Variants in IQSEC1 observed in about 807,000 individuals in gnomAD.
The protein encoded by IQSEC1 is IQ motif and Sec7 domain ArfGEF 1.
In IQSEC1, 31 loss-of-function variants were observed where a neutral mutation model predicts 91.0. The observed-to-expected ratio is 0.34, with a 90% CI of 0.26 to 0.46. IQSEC1 has a LOEUF of 0.46. Among genes scored for constraint, IQSEC1 ranks in the 20% least tolerant of loss-of-function variants. The pLI, the probability that IQSEC1 is intolerant of heterozygous loss-of-function variation, is 1.00. For synonymous variants in IQSEC1, 699 were observed against 662.6 expected (o/e 1.05, Z -0.84); for missense variants, 1,388 against 1,575.6 (o/e 0.88, Z 2.02).
At chr3:12,993,282 G>A (rs1702072200) in intron 1 of IQSEC1, among the ~76,000 whole-genome samples, 1 of 152,196 alleles carries the variant, frequency 6.6e-6, no homozygotes, top group Non-Finnish European at 1.5e-5. Flanking sequence ...ACGGGGTTGG[G>A]AGGCAGGGAC....
rs1705500054 is a variant in IQSEC1 at position 13,073,385 on chromosome 3, G to T, written c.-371C>A. Among the ~76,000 whole-genome samples the T allele has an allele frequency of 6.6e-6, 1 of 152,080 alleles. No homozygotes were observed. Among genetic ancestry groups the T allele is most frequent in the Non-Finnish European group, 1.5e-5 (1 of 67,978 alleles). On this transcript the variant is annotated 5_prime_UTR_variant, in exon 1 of 14. Transcript: ENST00000613206. ...GGTGCGGGGCGCGGGGATGAGGAGGGGAGGGTCGAGAGAAGGCTGCCCCGG... is the reference window on the plus strand; with the variant it reads ...GGTGCGGGGCGCGGGGATGAGGAGGTGAGGGTCGAGAGAAGGCTGCCCCGG...
At chr3:12,984,476 C>G (rs932509961) in intron 1 of IQSEC1, among the ~76,000 whole-genome samples, 1 of 152,200 alleles carries the variant, frequency 6.6e-6, no homozygotes, top group Non-Finnish European at 1.5e-5. Flanking sequence ...ACCTGAGTAT[C>G]TGTACATTTG....
chr3:13,066,419 C>T (rs1488670083), intron 1 of IQSEC1, among the ~76,000 whole-genome samples: 1 of 152,250 alleles, frequency 6.6e-6, no homozygotes, highest in Non-Finnish European at 1.5e-5. Context: ...CGAGGACTCG[C>T]CACGCGCCAT....
chr3:12,955,478 C>G (rs921582977), intron 1 of IQSEC1, among the ~76,000 whole-genome samples: 1 of 152,228 alleles, frequency 6.6e-6, no homozygotes, highest in African/African-American at 2.4e-5. Flanking sequence ...GATGCCAACA[C>G]CCTGCAATCA....
intron 2 of IQSEC1, among the ~76,000 whole-genome samples, chr3:13,151,689 G>A (rs954145916): frequency 6.6e-6 from 1 of 152,214 alleles, no homozygotes; most frequent in Non-Finnish European, 1.5e-5. Flanking sequence ...TCTTCAGCCG[G>A]ACACAGTGGC....
chr3:12,995,756 G>A (rs1702202830), intron 1 of IQSEC1, among the ~76,000 whole-genome samples: 1 of 152,254 alleles, frequency 6.6e-6, no homozygotes, highest in African/African-American at 2.4e-5. Context: ...CAAGAGTTAA[G>A]CCCATGGCTT....
At chr3:13,261,497 T>A (rs926492450) in intron 1 of IQSEC1, among the ~76,000 whole-genome samples, 1 of 151,882 alleles carries the variant, frequency 6.6e-6, no homozygotes, top group Non-Finnish European at 1.5e-5. Flanking sequence ...ACAAATCCCA[T>A]CTTAGAGCCT....
intron 13 of IQSEC1, 42 bp downstream of exon 13, chr3:12,902,731 C>T (rs765037587): frequency 2.5e-5 from 31 of 1,261,742 alleles, no homozygotes; most frequent in South Asian, 1.5e-4. Flanking sequence ...CTGGGGAAGG[C>T]GACACAGGAC....
chr3:12,915,503 C>T (rs554120278), intron 7 of IQSEC1, 91 bp downstream of exon 7: 56 of 1,406,858 alleles, frequency 4.0e-5, no homozygotes, highest in South Asian at 2.5e-4. Context: ...AGAGACCACA[C>T]GGAGTGGGGT....
intron 1 of IQSEC1, among the ~76,000 whole-genome samples, chr3:13,241,615 C>T (rs542537789): frequency 1.4e-4 from 22 of 152,336 alleles, no homozygotes; most frequent in Non-Finnish European, 2.4e-4. Flanking sequence ...GGATGAGTCC[C>T]GAATGTCCCC....
At chr3:13,249,167 C>CTTT (rs60976247) in intron 1 of IQSEC1, among the ~76,000 whole-genome samples, 52 of 106,658 alleles carry the variant, frequency 4.9e-4, no homozygotes, top group African/African-American at 9.2e-4. Flanking sequence ...GAAGGAATTT[C>CTTT]TTTTTTTTTT....
At chr3:13,227,093 C>T (rs919803680) in intron 1 of IQSEC1, among the ~76,000 whole-genome samples, 5 of 151,666 alleles carry the variant, frequency 3.3e-5, no homozygotes, top group Non-Finnish European at 4.4e-5. Context: ...AAAAAAATTC[C>T]GGCCAGGCGT....
At chr3:13,034,889 C>A (rs1703979050) in intron 1 of IQSEC1, among the ~76,000 whole-genome samples, 1 of 152,246 alleles carries the variant, frequency 6.6e-6, no homozygotes, top group Non-Finnish European at 1.5e-5. Context: ...AGCACACAGG[C>A]TCCCCTAACA....
At chr3:13,176,751 C>T (rs1693738111) in intron 1 of IQSEC1, among the ~76,000 whole-genome samples, 1 of 152,198 alleles carries the variant, frequency 6.6e-6, no homozygotes, top group South Asian at 2.1e-4. Flanking sequence ...AGGCGAGGTC[C>T]GTGCATTTAG....
chr3:12,945,845 T>C (rs1699144645), intron 1 of IQSEC1, among the ~76,000 whole-genome samples: 1 of 152,234 alleles, frequency 6.6e-6, no homozygotes, highest in African/African-American at 2.4e-5. Flanking sequence ...CATGCAGCCA[T>C]GGGCACTCTA....
intron 1 of IQSEC1, among the ~76,000 whole-genome samples, chr3:12,991,617 C>T (rs1701994558): frequency 6.6e-6 from 1 of 152,204 alleles, no homozygotes; most frequent in African/African-American, 2.4e-5. Context: ...ACTCCCTGAC[C>T]AGCACAAAGG....
At chr3:13,010,625 G>A (rs1702841075) in intron 1 of IQSEC1, among the ~76,000 whole-genome samples, 1 of 152,178 alleles carries the variant, frequency 6.6e-6, no homozygotes, top group African/African-American at 2.4e-5. Flanking sequence ...AGCCCTGTCT[G>A]TTTCAGAAAC....
chr3:12,901,548 A>G, intron 13 of IQSEC1, 26 bp from the exon 14 acceptor site: 1 of 1,528,256 alleles, frequency 6.5e-7, no homozygotes, highest in South Asian at 1.2e-5. Context: ...ATAGAAATCA[A>G]AATTAAAAGA....
chr3:12,899,735 G>A lies in IQSEC1; in HGVS notation c.*1248C>T. The A allele has an allele frequency of 1.0e-6, 1 of 985,430 alleles. No individual in the cohort carries two copies. The highest frequency in any genetic ancestry group is 1.2e-6 in the Non-Finnish European group (1 of 829,926). The allele number at this position is 985,430 out of a possible 1,614,324, so 61.0% of individuals were successfully genotyped here. A position where few individuals can be genotyped will look rare whatever the true frequency, so the allele number is the denominator to read the frequency against. ...AACGGGAAACACACACACCGCCCTG[G>A]GTTGCTAAACGCTAAAGTCAACCTT... On this transcript the variant is annotated 3_prime_UTR_variant, in exon 14 of 14. Transcript: ENST00000613206.
Sources: gnomAD v4.1 joint callset for allele counts (sites outside exome capture counted in the v4.1 genomes callset) on GRCh38, gnomAD v4.1.1 for gene constraint, MANE v1.5 for transcripts, NCBI Gene and HGNC (gene_info 2026-07-23, HGNC 2026-07-21) for gene names.